Variants in NFIA observed in about 807,000 individuals in gnomAD.
The protein encoded by NFIA is nuclear factor 1 A-type.
NFIA carries 8 observed loss-of-function variants against 62.8 expected under a neutral mutation model. The ratio of observed to expected loss-of-function variants is 0.13; its 90% CI spans 0.07 to 0.23. The LOEUF is 0.23. NFIA is among the 10% of genes least tolerant of loss of function. The pLI is 1.00. For synonymous variants in NFIA, 235 were observed against 238.1 expected, an observed-to-expected ratio of 0.99 and a Z score of 0.12; for missense variants, 410 against 642.1, an observed-to-expected ratio of 0.64 and a Z score of 3.91.
chr1:61,302,022 T>G (rs1659521061), intron 3 of NFIA, among the ~76,000 whole-genome samples: 2 of 152,204 alleles, frequency 1.3e-5, no homozygotes, highest in Non-Finnish European at 2.9e-5. Context: ...TTGGACACAC[T>G]ACTGTTGCTT....
intron 2 of NFIA, among the ~76,000 whole-genome samples, chr1:61,153,826 G>A (rs1487533139): frequency 1.3e-5 from 2 of 152,184 alleles, no homozygotes; most frequent in African/African-American, 4.8e-5. Context: ...TGCAGTTCAT[G>A]TCTTTTCAGT....
chr1:61,106,746 A>G (rs1646607787), intron 2 of NFIA, among the ~76,000 whole-genome samples: 1 of 151,638 alleles, frequency 6.6e-6, no homozygotes, highest in Non-Finnish European at 1.5e-5. Flanking sequence ...ACCAAGAAAG[A>G]TAACAACCAA....
At position 61,118,880 on chromosome 1, in the gene NFIA, A is replaced by G. The variant is rs1301962349; in HGVS notation, c.559+30200A>G. On this transcript the variant is annotated intron_variant, in intron 2 of 10. Coordinates refer to ENST00000403491, the MANE Select transcript of NFIA (RefSeq NM_001134673.4). ...CTTTGGAATGTGCTGTTATAGCAGC[A>G]GAGGGCAAGTGTGAAACATAATTCA... Among the ~76,000 whole-genome samples, 5 of 152,288 alleles carry G rather than the reference A, an allele frequency of 3.3e-5. No homozygotes were observed. The East Asian group carries it at 7.7e-4, about 24-fold the overall frequency.
At chr1:61,428,783 G>T (rs1302492952) in intron 10 of NFIA, among the ~76,000 whole-genome samples, 1 of 152,128 alleles carries the variant, frequency 6.6e-6, no homozygotes, top group African/African-American at 2.4e-5. Context: ...TTAGAACATG[G>T]TCGGCAGATT....
intron 7 of NFIA, among the ~76,000 whole-genome samples, chr1:61,384,887 A>G (rs1012307395): frequency 6.6e-6 from 1 of 152,162 alleles, no homozygotes; most frequent in Non-Finnish European, 1.5e-5. Context: ...TCCTGTCCTC[A>G]TAGAGCATGT....
intron 2 of NFIA, among the ~76,000 whole-genome samples, chr1:61,121,346 C>T (rs906982310): frequency 3.5e-4 from 53 of 152,178 alleles, no homozygotes; most frequent in African/African-American, 1.2e-3. Context: ...ATCTTTTGCT[C>T]GGAATGTAAA....
chr1:61,418,420 A>C (rs1666455404), intron 9 of NFIA, among the ~76,000 whole-genome samples: 1 of 152,118 alleles, frequency 6.6e-6, no homozygotes, highest in South Asian at 2.1e-4. Context: ...TGTTAAAGCC[A>C]CTGCACTCTA....
At chr1:61,257,861 G>GTTTT (rs58077067) in intron 2 of NFIA, among the ~76,000 whole-genome samples, 3 of 126,468 alleles carry the variant, frequency 2.4e-5, no homozygotes, top group African/African-American at 5.9e-5. Flanking sequence ...ATGCTTAGCT[G>GTTTT]TTTTTTTTTT....
chr1:61,406,680 C>T lies in NFIA; in HGVS notation c.1373C>T (p.Pro458Leu), dbSNP rs1553183336. ...PVPLPVPDTKPPTTSTEGGAA... is the reference protein window; with the variant it reads ...PVPLPVPDTKLPTTSTEGGAA... ...CCTCTGCCGGTGCCAGACACAAAGC[C>T]TCCAACCACGTCAACAGAAGGAGGT... The change falls in exon 9 of 11, where the codon CCT becomes CTT. Residue 458 changes from proline (P) to leucine (L), a missense_variant. By Grantham distance (98) the Pro-to-Leu change is moderately conservative (BLOSUM62 -3). Transcript: ENST00000403491. 6.2e-7 allele frequency: 1 copy of T among 1,613,134 alleles called. No homozygotes were observed. Among genetic ancestry groups the T allele is most frequent in the Admixed American group, 1.7e-5 (1 of 59,904 alleles).
upstream of NFIA, chr1:61,077,630 T>C: frequency 1.4e-6 from 2 of 1,427,704 alleles, no homozygotes; most frequent in Non-Finnish European, 1.9e-6. Flanking sequence ...ATTGCAATGG[T>C]ACGTGGTACA....
At chr1:61,160,977 C>T (rs923863390) in intron 2 of NFIA, among the ~76,000 whole-genome samples, 40 of 152,318 alleles carry the variant, frequency 2.6e-4, no homozygotes, top group African/African-American at 9.6e-4. Context: ...TGCAGTGGCA[C>T]AATCTCAGCT....
chr1:61,254,696 T>C (rs1275936488), intron 2 of NFIA, among the ~76,000 whole-genome samples: 2 of 152,230 alleles, frequency 1.3e-5, no homozygotes, highest in Non-Finnish European at 2.9e-5. Context: ...TCTCCCAGAA[T>C]TGGGGTCAGC....
chr1:61,182,506 A>T (rs964098559), intron 2 of NFIA, among the ~76,000 whole-genome samples: 2 of 152,248 alleles, frequency 1.3e-5, no homozygotes. Context: ...TAAGCCTAAG[A>T]TTAATCAAGA....
chr1:61,081,917 T>A, upstream of NFIA: 2 of 1,548,712 alleles, frequency 1.3e-6, no homozygotes, highest in Non-Finnish European at 1.7e-6. Flanking sequence ...ACCTAGGAGG[T>A]CTGATTTTTC....
chr1:61,322,243 AT>A (rs1660713623), intron 3 of NFIA, among the ~76,000 whole-genome samples: 1 of 152,222 alleles, frequency 6.6e-6, no homozygotes, highest in Admixed American at 6.5e-5. Context: ...GACACGTTAG[AT>A]TCAAAAGGGA....
intron 4 of NFIA, 148 bp from the exon 5 acceptor site, chr1:61,352,302 T>G: frequency 1.7e-6 from 1 of 595,224 alleles, no homozygotes. Flanking sequence ...CAATATTCCT[T>G]TGGAGTCATA....
intron 4 of NFIA, among the ~76,000 whole-genome samples, chr1:61,351,011 A>T (rs535323070): frequency 2.5e-4 from 38 of 152,210 alleles, no homozygotes; most frequent in Non-Finnish European, 4.9e-4. Context: ...GGAAAGTGAC[A>T]TGTGTTCAGT....
At chr1:61,364,577 C>T (rs1011778501) in intron 6 of NFIA, among the ~76,000 whole-genome samples, 26 of 152,182 alleles carry the variant, frequency 1.7e-4, no homozygotes, top group African/African-American at 4.3e-4. Context: ...GACCTCTTGA[C>T]GAGCAGCAGT....
chr1:61,391,440 ACACACACACAC>A (rs1664975631), intron 7 of NFIA, among the ~76,000 whole-genome samples: 1 of 32,844 alleles, frequency 3.0e-5, no homozygotes, highest in Non-Finnish European at 5.6e-5. Flanking sequence ...AATCAAACAC[ACACACACACAC>A]ACACACACAC....
Sources: gnomAD v4.1 joint callset for allele counts (sites outside exome capture counted in the v4.1 genomes callset) on GRCh38, gnomAD v4.1.1 for gene constraint, MANE v1.5 for transcripts, NCBI Gene and HGNC (gene_info 2026-07-23, HGNC 2026-07-21) for gene names.